Variants in PDE1C observed in about 807,000 individuals in gnomAD.
PDE1C encodes the protein dual specificity calcium/calmodulin-dependent 3',5'-cyclic nucleotide phosphodiesterase 1C.
A neutral mutation model predicts 93.1 loss-of-function variants in PDE1C; 62 were observed. The observed-to-expected ratio is 0.67, with a 90% CI of 0.54 to 0.82. The LOEUF (loss-of-function observed/expected upper bound fraction) is 0.82, where lower values mean the gene tolerates loss of function less well. Among genes scored for constraint, PDE1C ranks in the 40% least tolerant of loss-of-function variants. The pLI is 0.00. For missense variants in PDE1C, 742 were observed against 884.6 expected (o/e 0.84, Z 2.04); for synonymous variants, 325 against 310.1 (o/e 1.05, Z -0.50).
the PDE1C span, chr7:31,653,025 C>T: frequency 1.5e-6 from 2 of 1,345,948 alleles, no homozygotes; most frequent in Non-Finnish European, 2.0e-6. Context: ...AACTGAGCAC[C>T]TAGTATGTGC....
intron 3 of PDE1C, among the ~76,000 whole-genome samples, chr7:32,106,240 TGACCCTGGCCTCAA>T (rs570865706): frequency 5.0e-3 from 754 of 152,228 alleles, no homozygotes; most frequent in African/African-American, 0.017. Flanking sequence ...GCTGGTTTCA[TGACCCTGGCCTCAA>T]GCAGGCAGCC....
chr7:32,069,910 ATGCAAGCAGTT>A (rs1476931644), intron 1 of PDE1C, among the ~76,000 whole-genome samples: 1 of 152,230 alleles, frequency 6.6e-6, no homozygotes, highest in African/African-American at 2.4e-5. Flanking sequence ...GCCCAAGTGT[ATGCAAGCAGTT>A]TGCAGAGAAA....
chr7:32,187,023 A>G (rs1036741695), intron 2 of PDE1C, among the ~76,000 whole-genome samples: 1 of 152,214 alleles, frequency 6.6e-6, no homozygotes, highest in Non-Finnish European at 1.5e-5. Context: ...TACCTGAAAC[A>G]TTCTTGCCTA....
chr7:32,255,297 TCTCA>T (rs1465554833), intron 1 of PDE1C, among the ~76,000 whole-genome samples: 2 of 152,104 alleles, frequency 1.3e-5, no homozygotes, highest in African/African-American at 4.8e-5. Flanking sequence ...TCCTTCCCTC[TCTCA>T]CTGAGAGAGC....
chr7:31,876,648 T>C (rs1462586407), intron 5 of PDE1C, among the ~76,000 whole-genome samples: 1 of 152,208 alleles, frequency 6.6e-6, no homozygotes, highest in Non-Finnish European at 1.5e-5. Flanking sequence ...TACAACTTCA[T>C]AGTGGATGTT....
At chr7:32,093,185 C>A (rs1441308036) in intron 3 of PDE1C, among the ~76,000 whole-genome samples, 1 of 152,196 alleles carries the variant, frequency 6.6e-6, no homozygotes, top group African/African-American at 2.4e-5. Flanking sequence ...AGAGGGTTTA[C>A]CTTTCAGAAG....
intron 2 of PDE1C, among the ~76,000 whole-genome samples, chr7:32,182,958 G>A (rs1803549151): frequency 6.6e-6 from 1 of 152,138 alleles, no homozygotes; most frequent in Non-Finnish European, 1.5e-5. Flanking sequence ...CAAGTATCAG[G>A]ATACAAAATC....
At chr7:31,995,723 T>C (rs998704173) in intron 2 of PDE1C, among the ~76,000 whole-genome samples, 1 of 151,988 alleles carries the variant, frequency 6.6e-6, no homozygotes, top group Non-Finnish European at 1.5e-5. Context: ...CTACACAGAG[T>C]GAATGCTGCT....
chr7:32,211,201 C>T (rs1363951783), intron 1 of PDE1C, among the ~76,000 whole-genome samples: 1 of 152,086 alleles, frequency 6.6e-6, no homozygotes, highest in Non-Finnish European at 1.5e-5. Context: ...AAAAGCGAAA[C>T]TCTATCTCAA....
chr7:31,954,564 A>G (rs1807861583), intron 2 of PDE1C, among the ~76,000 whole-genome samples: 1 of 152,020 alleles, frequency 6.6e-6, no homozygotes, highest in Non-Finnish European at 1.5e-5. Context: ...TAATTATCTG[A>G]TCTATTCCTG....
chr7:32,223,683 G>A (rs777656350), intron 1 of PDE1C, among the ~76,000 whole-genome samples: 2 of 152,146 alleles, frequency 1.3e-5, no homozygotes, highest in African/African-American at 4.8e-5. Flanking sequence ...CTCCCTGAAG[G>A]CAGCCCCCAG....
chr7:31,991,352 G>A (rs532645305), intron 2 of PDE1C, among the ~76,000 whole-genome samples: 1 of 152,180 alleles, frequency 6.6e-6, no homozygotes, highest in Non-Finnish European at 1.5e-5. Context: ...GAAATGAGGT[G>A]GTAGGGACAG....
chr7:31,775,454 G>C (rs912668289), intron 17 of PDE1C, among the ~76,000 whole-genome samples: 1 of 152,138 alleles, frequency 6.6e-6, no homozygotes, highest in African/African-American at 2.4e-5. Context: ...ATAGGTGAGG[G>C]GGACGATTGT....
chr7:32,154,341 T>C lies in PDE1C; in HGVS notation c.308+15444A>G, dbSNP rs937759224. Among the ~76,000 whole-genome samples, 3 of 152,134 alleles carry C rather than the reference T, an allele frequency of 2.0e-5. 1 individual carries two copies. Among genetic ancestry groups the C allele is most frequent in the South Asian group, 4.1e-4 (2 of 4,830 alleles). ...AGATTAGGCACTACACTAAATGCCTTTTTTAACCTTTTATTTAAATGATTA... is the reference window on the plus strand; with the variant it reads ...AGATTAGGCACTACACTAAATGCCTCTTTTAACCTTTTATTTAAATGATTA... On this transcript the variant is annotated intron_variant, in intron 3 of 18. Transcript: ENST00000396193.
chr7:32,298,598 C>G, intron 1 of PDE1C: 8 of 1,552,034 alleles, frequency 5.2e-6, no homozygotes, highest in Non-Finnish European at 7.0e-6. Context: ...TGACCGCCAC[C>G]GGAGAGGGCG....
At chr7:31,966,364 G>A (rs1051371318) in intron 2 of PDE1C, among the ~76,000 whole-genome samples, 2 of 152,094 alleles carry the variant, frequency 1.3e-5, no homozygotes, top group African/African-American at 4.8e-5. Context: ...GACAAAGAAG[G>A]CCATTACATA....
intron 2 of PDE1C, among the ~76,000 whole-genome samples, chr7:31,887,149 A>T (rs528064382): frequency 1.3e-5 from 2 of 152,044 alleles, no homozygotes; most frequent in Non-Finnish European, 2.9e-5. Context: ...CAGTGTGAAT[A>T]CTCTCTCTCA....
intron 1 of PDE1C, among the ~76,000 whole-genome samples, chr7:32,254,562 T>C (rs1809644366): frequency 6.6e-6 from 1 of 152,340 alleles, no homozygotes; most frequent in Non-Finnish European, 1.5e-5. Context: ...AAATGCAGTT[T>C]TCTAGGTAGA....
chr7:31,967,680 C>A (rs1441316683), intron 2 of PDE1C, among the ~76,000 whole-genome samples: 3 of 152,314 alleles, frequency 2.0e-5, no homozygotes, highest in African/African-American at 4.8e-5. Flanking sequence ...AGACCAATAT[C>A]CTTGATGAAC....
Sources: gnomAD v4.1 joint callset for allele counts (sites outside exome capture counted in the v4.1 genomes callset) on GRCh38, gnomAD v4.1.1 for gene constraint, MANE v1.5 for transcripts, NCBI Gene and HGNC (gene_info 2026-07-23, HGNC 2026-07-21) for gene names.